Variants in SYNJ2 observed in about 807,000 individuals in gnomAD.
The protein encoded by SYNJ2 is polyphosphatidylinositol phosphatase SYNJ2.
SYNJ2 carries 116 observed loss-of-function variants against 141.3 expected under a neutral mutation model. The observed-to-expected ratio is 0.82, with a 90% CI of 0.71 to 0.96. The LOEUF (loss-of-function observed/expected upper bound fraction) is 0.96. Among genes scored for constraint, SYNJ2 ranks in the 40% least tolerant of loss-of-function variants. SYNJ2 has a pLI of 0.00. For synonymous variants in SYNJ2, 745 were observed against 777.7 expected (o/e 0.96, Z 0.70); for missense variants, 1,873 against 1,934.8 (o/e 0.97, Z 0.60).
chr6:158,078,011 G>A (rs992986155), intron 17 of SYNJ2, 153 bp from the exon 18 acceptor site: 36 of 619,880 alleles, frequency 5.8e-5, no homozygotes, highest in Non-Finnish European at 9.6e-5. Context: ...CAAAGCATCC[G>A]AAGCCTGGCT....
chr6:157,998,056 G>A (rs1361614009), intron 1 of SYNJ2, among the ~76,000 whole-genome samples: 3 of 152,244 alleles, frequency 2.0e-5, no homozygotes, highest in East Asian at 1.9e-4. Flanking sequence ...ATTCACGCAG[G>A]CATTCTTGGC....
chr6:158,068,418 A>AT (rs1177215409), intron 12 of SYNJ2, among the ~76,000 whole-genome samples: 7 of 152,246 alleles, frequency 4.6e-5, no homozygotes, highest in African/African-American at 1.7e-4. Flanking sequence ...TCCCCTGTTC[A>AT]AAGGGAACAG....
chr6:158,045,357 G>T (rs1447314238), intron 5 of SYNJ2, among the ~76,000 whole-genome samples: 1 of 152,006 alleles, frequency 6.6e-6, no homozygotes, highest in Non-Finnish European at 1.5e-5. Flanking sequence ...TGATCCACCC[G>T]CCTCAGCCTC....
chr6:157,995,492 A>G (rs775249820), intron 1 of SYNJ2, among the ~76,000 whole-genome samples: 3 of 152,204 alleles, frequency 2.0e-5, no homozygotes, highest in Non-Finnish European at 2.9e-5. Flanking sequence ...CTCCTAAGGT[A>G]TTTTGAGTGC....
intron 2 of SYNJ2, among the ~76,000 whole-genome samples, chr6:158,019,453 T>A (rs1378703560): frequency 2.0e-5 from 3 of 152,164 alleles, no homozygotes; most frequent in African/African-American, 7.2e-5. Flanking sequence ...TGTGGGAAAT[T>A]GGTCCTAACC....
chr6:158,088,034 ATTTTTTTTTTTTTTTTTTTTTTTTTT>A (rs568222551), intron 23 of SYNJ2, among the ~76,000 whole-genome samples: 6 of 31,922 alleles, frequency 1.9e-4, no homozygotes, highest in Admixed American at 5.3e-4. Context: ...CTGCTTTGGA[ATTTTTTTTTTTTTTTTTTTTTTTTTT>A]TTTTTTTTTT....
chr6:158,047,773 T>TTAAAAAA (rs1780321690), intron 5 of SYNJ2, among the ~76,000 whole-genome samples: 1 of 17,240 alleles, frequency 5.8e-5, no homozygotes, highest in Non-Finnish European at 9.4e-5. Context: ...TGCGACTCTG[T>TTAAAAAA]CAAAAAAAAA....
chr6:158,064,954 C>G lies in SYNJ2; in HGVS notation c.1488C>G (p.Asp496Glu), dbSNP rs1431292660. 1.2e-6 allele frequency: 2 copies of G among 1,609,664 alleles called. No individual in the cohort carries two copies. The highest frequency in any genetic ancestry group is 1.7e-6 in the Non-Finnish European group (2 of 1,177,954). ...VGDVYGEEVA[D>E]KGGMLLDSTA... is the part of the protein sequence containing the mutation. ...ACGTCTACGGCGAGGAGGTGGCAGACAAAGGGGGCATGCTGCTGGACAGCA... is the reference window on the plus strand; with the variant it reads ...ACGTCTACGGCGAGGAGGTGGCAGAGAAAGGGGGCATGCTGCTGGACAGCA... The change falls in exon 11 of 27, where the codon GAC (aspartate) becomes GAG (glutamate). Residue 496 changes from aspartate (D) to glutamate (E), a missense_variant. Physicochemically the swap from Asp to Glu is conservative, Grantham distance 45. Coordinates refer to ENST00000355585, the MANE Select transcript of SYNJ2 (RefSeq NM_003898.4).
At chr6:158,005,232 G>C (rs543534310) in intron 1 of SYNJ2, among the ~76,000 whole-genome samples, 8 of 151,880 alleles carry the variant, frequency 5.3e-5, no homozygotes, top group Non-Finnish European at 7.4e-5. Context: ...TGCCCGCAAC[G>C]ACGCCCGGCT....
intron 15 of SYNJ2, among the ~76,000 whole-genome samples, chr6:158,072,097 T>A (rs1338859740): frequency 6.6e-6 from 1 of 152,236 alleles, no homozygotes; most frequent in Admixed American, 6.5e-5. Flanking sequence ...AGTGATGGTT[T>A]AGGGAAGAAA....
At chr6:158,032,203 C>T (rs1275022917) in intron 3 of SYNJ2, among the ~76,000 whole-genome samples, 1 of 152,104 alleles carries the variant, frequency 6.6e-6, no homozygotes, top group Non-Finnish European at 1.5e-5. Flanking sequence ...TGTGGGGGTG[C>T]ATGTGGCTTT....
chr6:158,069,521 TTTCTC>T lies in SYNJ2; in HGVS notation c.1800-8_1800-4del, dbSNP rs756639089. ...CTACCTGTAAACAGCATCCTTTCCT[TTTCTC>T]TTCCAGTACTACCAACAAGAAGATG... On this transcript the variant is annotated splice_polypyrimidine_tract_variant and splice_region_variant and intron_variant, in intron 13 of 26. Coordinates refer to ENST00000355585, the MANE Select transcript of SYNJ2 (RefSeq NM_003898.4). 1.9e-5 allele frequency: 30 copies of T among 1,608,824 alleles called. No individual in the cohort carries two copies. The highest frequency in any genetic ancestry group is 1.1e-5 in the South Asian group (1 of 90,534).
rs143255940 is a variant in SYNJ2 at position 158,081,252 on chromosome 6, A to G, written c.2711A>G (p.Lys904Arg). The G allele has an allele frequency of 1.5e-5, 24 of 1,614,040 alleles. No homozygotes were observed. The highest frequency in any genetic ancestry group is 1.9e-5 in the Non-Finnish European group (22 of 1,180,034). Residue 904 changes from lysine (K) to arginine (R), a missense_variant, in exon 19 of 27, where the codon AAA becomes AGA. By Grantham distance (26) the Lys-to-Arg change is conservative. Coordinates refer to ENST00000355585, the MANE Select transcript of SYNJ2 (RefSeq NM_003898.4). ...VNLQSPTLEE[K>R]NEFPEDLRTE... ...CTTCAATCACCGACCTTAGAAGAGA[A>G]AAACGAGTTTCCAGAGGACCTGCGT...
At chr6:158,069,782 G>A in intron 14 of SYNJ2, 109 bp downstream of exon 14, 1 of 1,318,216 alleles carries the variant, frequency 7.6e-7, no homozygotes, top group Non-Finnish European at 1.0e-6. Flanking sequence ...ACAGGAATCG[G>A]GACTTACCAT....
Position 158,061,457 on chromosome 6 carries a change from A to G in SYNJ2, c.955-535A>G, listed in dbSNP as rs540422551. 7.2e-5 allele frequency among the ~76,000 whole-genome samples: 11 copies of G among 152,308 alleles called. No homozygotes were observed. In the South Asian group the frequency reaches 2.3e-3, roughly 32 times the overall value. On this transcript the variant is annotated intron_variant, in intron 7 of 26. Coordinates refer to ENST00000355585, the MANE Select transcript of SYNJ2 (RefSeq NM_003898.4). ...CCACCTTCACTCTGGCTCCCTGACC[A>G]TCCTGAAGTAGCATCGGGATGTGGG...
chr6:158,051,500 A>G (rs1780562177), intron 5 of SYNJ2, among the ~76,000 whole-genome samples: 1 of 151,960 alleles, frequency 6.6e-6, no homozygotes, highest in South Asian at 2.1e-4. Context: ...ACAGGCAGCA[A>G]AAAAATAAAA....
In SYNJ2 at chr6:158,040,479, G is replaced by T. The variant is rs1779886781; in HGVS notation, c.712-2837G>T. Among the ~76,000 whole-genome samples the T allele has an allele frequency of 6.6e-6, 1 of 151,742 alleles. No homozygotes were observed. Among genetic ancestry groups the T allele is most frequent in the Non-Finnish European group, 1.5e-5 (1 of 67,974 alleles). On this transcript the variant is annotated intron_variant, in intron 4 of 26. Coordinates refer to ENST00000355585, the MANE Select transcript of SYNJ2 (RefSeq NM_003898.4). The surrounding 1 kb of genome is among the most constrained non-coding windows in gnomAD (Gnocchi z 4.2). ...GAGTCATAGCTGGTGGGCTTGCTCT[G>T]CAGTGCTGACTCACCACACAGAAAA...
rs949790773 is a variant in SYNJ2, at chr6:158,078,343, G to A, written c.2567+62G>A. On this transcript the variant is annotated intron_variant, in intron 18 of 26. Transcript: ENST00000355585. ...TGGGCAAGGCAGCGTCTCCCTCTCC[G>A]CAGGAAAATGCATGCTGTCCCCATA... 7.8e-5 allele frequency: 83 copies of A among 1,070,632 alleles called. 1 individual carries two copies. The Middle Eastern group carries it at 1.7e-3, about 22-fold the overall frequency. The allele number at this position is 1,070,632 out of a possible 1,614,324, so 66.3% of individuals were successfully genotyped here.
rs1260244058 is a variant in SYNJ2 at position 158,043,203 on chromosome 6, C to T, written c.712-113C>T. On this transcript the variant is annotated intron_variant, in intron 4 of 26. Transcript: ENST00000355585. This position sits in a 1 kb window ranked among gnomAD's most constrained non-coding sequence, Gnocchi z 4.0. ...GCAGAGGACGCCGGAGTCCACCGTC[C>T]GCCCTTCATTCTGGCTGGTGTCGGG... 21 of 867,074 alleles carry T rather than the reference C, an allele frequency of 2.4e-5. No homozygotes were observed. Among genetic ancestry groups the T allele is most frequent in the South Asian group, 4.6e-5 (3 of 65,154 alleles). The allele number at this position is 867,074 out of a possible 1,614,324, so 53.7% of individuals were successfully genotyped here. A position where few individuals can be genotyped will look rare whatever the true frequency, so the allele number is the denominator to read the frequency against.
Sources: gnomAD v4.1 joint callset for allele counts (sites outside exome capture counted in the v4.1 genomes callset) on GRCh38, gnomAD v4.1.1 for gene constraint, Gnocchi (gnomAD v3.1) non-coding constraint, MANE v1.5 for transcripts, NCBI Gene and HGNC (gene_info 2026-07-23, HGNC 2026-07-21) for gene names.